COMMD5: variants seen among roughly 807,000 people sequenced by gnomAD.
The protein encoded by COMMD5 is COMM domain-containing protein 5.
Under a neutral mutation model 6.9 loss-of-function variants are expected in COMMD5, and 10 were observed. The ratio of observed to expected loss-of-function variants is 1.44; its 90% CI spans 0.89 to 2.45. The LOEUF is 2.45. COMMD5 is among the 30% of genes most tolerant of loss of function. The pLI, the probability that COMMD5 is intolerant of heterozygous loss-of-function variation, is 0.00. For missense variants in COMMD5, 234 were observed against 287.8 expected (o/e 0.81, Z 1.35); for synonymous variants, 127 against 125.3 (o/e 1.01, Z -0.09).
exon 2 of COMMD5, chr8:144,841,294 T>C: frequency 1.3e-6 from 2 of 1,509,242 alleles, no homozygotes. Context: ...CCCGCATTTG[T>C]AGTCTTATCA....
intron 1 of COMMD5, chr8:144,843,151 A>G (rs775257545): frequency 6.3e-7 from 1 of 1,591,350 alleles, no homozygotes; most frequent in Non-Finnish European, 8.5e-7. Context: ...CCAGCATCAA[A>G]AAATTCACAT....
upstream of COMMD5, chr8:144,853,522 GTTTCCCCTC>G (rs1261827691): frequency 3.9e-5 from 6 of 152,248 alleles, no homozygotes; most frequent in African/African-American, 1.4e-4. Flanking sequence ...GAGCTGCCCC[GTTTCCCCTC>G]CTGTCGGGTG....
intron 1 of COMMD5, among the ~76,000 whole-genome samples, chr8:144,852,193 GAAGAA>G (rs1252659570): frequency 5.9e-5 from 9 of 151,780 alleles, no homozygotes; most frequent in African/African-American, 2.2e-4. Context: ...AGGCAGGGAA[GAAGAA>G]AAGAAAAGTA....
rs752892007 is a variant in COMMD5, at chr8:144,851,119, T to C, written c.220A>G (p.Ser74Gly). ...AGCTGCTCCTCCGGCAGGTTGGCGC[T>C]GACCCCAAGACGCTGCACAGCCTCT... ...CREAVQRLGV[S>G]ANLPEEQLGA... The change falls in exon 2 of 2, where the codon AGC becomes GGC. Residue 74 changes from serine (S) to glycine (G), a missense_variant. By Grantham distance (56) the Ser-to-Gly change is moderately conservative (BLOSUM62 0). Coordinates refer to ENST00000305103, the MANE Select transcript of COMMD5 (RefSeq NM_014066.4). 6.2e-7 allele frequency: 1 copy of C among 1,612,696 alleles called. No individual in the cohort carries two copies. The highest frequency in any genetic ancestry group is 1.7e-5 in the Admixed American group (1 of 60,012).
At chr8:144,840,405 G>A (rs1829727684), downstream of COMMD5, among the ~76,000 whole-genome samples, 1 of 152,236 alleles carries the variant, frequency 6.6e-6, no homozygotes. Flanking sequence ...CTGTAACTGG[G>A]CTGTGCATTC....
chr8:144,838,261 A>C (rs1437827101), downstream of COMMD5: 2 of 624,870 alleles, frequency 3.2e-6, no homozygotes, highest in Non-Finnish European at 5.8e-6. Context: ...GTTAGGGGCC[A>C]CCCCAGTGAC....
downstream of COMMD5, chr8:144,846,100 CTCG>C (rs1411405165): frequency 3.9e-6 from 6 of 1,536,048 alleles, no homozygotes; most frequent in Non-Finnish European, 5.2e-6. Flanking sequence ...CTCCTGGGCT[CTCG>C]TCATCTCCTC....
In COMMD5 at chr8:144,851,277, C is replaced by T. The variant is rs201378489; in HGVS notation, c.62G>A (p.Arg21Gln). 35 of 1,614,000 alleles carry T rather than the reference C, an allele frequency of 2.2e-5. No homozygotes were observed. Among genetic ancestry groups the T allele is most frequent in the Admixed American group, 3.3e-5 (2 of 60,024 alleles). Reference protein sequence around the residue: ...LHHPGDSHSGRVSFLGAQLPP... With the variant: ...LHHPGDSHSGQVSFLGAQLPP... ...AAGCTGGGCCCCCAAGAAACTCACT[C>T]GGCCACTGTGACTATCACCAGGATG... Residue 21 changes from arginine (R) to glutamine (Q), a missense_variant, in exon 2 of 2, where the codon CGA becomes CAA. Transcript: ENST00000305103.
At chr8:144,841,926 G>A (rs142068099) in intron 1 of COMMD5, 56 of 1,613,768 alleles carry the variant, frequency 3.5e-5, no homozygotes, top group South Asian at 4.4e-5. Context: ...GAATCCACAC[G>A]GGAGAGAAAC....
At chr8:144,852,206 G>C (rs907859671) in intron 1 of COMMD5, among the ~76,000 whole-genome samples, 1 of 151,994 alleles carries the variant, frequency 6.6e-6, no homozygotes, top group Admixed American at 6.6e-5. Context: ...GAAAAGAAAA[G>C]TAAAAAGAAA....
Position 144,843,327 on chromosome 8 carries a change from T to A in COMMD5, c.*117-1584A>T, listed in dbSNP as rs149070948. 24 of 878,108 alleles carry A rather than the reference T, an allele frequency of 2.7e-5. No individual in the cohort carries two copies. In the South Asian group the frequency reaches 2.9e-4, roughly 11 times the overall value. 54.4% of individuals were successfully genotyped at this position (878,108 alleles called of 1,614,324 possible). A position where few individuals can be genotyped will look rare whatever the true frequency, so the allele number is the denominator to read the frequency against. On this transcript the variant is annotated intron_variant and NMD_transcript_variant, in intron 1 of 1. Transcript: ENST00000530332. ...ACTTCAGGCCGAGTGTGGTGGCTTATGCCTGTCATCCCAGCACTTTGGGAG... is the reference window on the plus strand; with the variant it reads ...ACTTCAGGCCGAGTGTGGTGGCTTAAGCCTGTCATCCCAGCACTTTGGGAG...
rs910545587 is a variant in COMMD5 at position 144,841,268 on chromosome 8, G to C, written c.*592C>G. 5.8e-6 allele frequency: 8 copies of C among 1,373,534 alleles called. No individual in the cohort carries two copies. In the African/African-American group the frequency reaches 1.0e-4, roughly 17 times the overall value. The allele number at this position is 1,373,534 out of a possible 1,614,324, so 85.1% of individuals were successfully genotyped here. On this transcript the variant is annotated 3_prime_UTR_variant and NMD_transcript_variant, in exon 2 of 2. Coordinates refer to the COMMD5 transcript ENST00000530332. ...AGTGCTCAGTGCAACTATCCTGGGA[G>C]CCTTGAGCCCTGGCCCCCGCATTTG...
chr8:144,845,094 TG>T (rs2130752357), intron 1 of COMMD5, among the ~76,000 whole-genome samples: 1 of 152,236 alleles, frequency 6.6e-6, no homozygotes, highest in Non-Finnish European at 1.5e-5. Context: ...CAGGTCTGGA[TG>T]TAATTTATGG....
At chr8:144,846,254 G>A, downstream of COMMD5, 1 of 1,409,854 alleles carries the variant, frequency 7.1e-7, no homozygotes, top group Non-Finnish European at 9.5e-7. Flanking sequence ...GGGCTGGGGT[G>A]CAAGCTTCAT....
downstream of COMMD5, among the ~76,000 whole-genome samples, chr8:144,840,599 A>G (rs1459583692): frequency 6.6e-6 from 1 of 152,190 alleles, no homozygotes; most frequent in East Asian, 1.9e-4. Context: ...CTCTAGGGTT[A>G]CAGAGTAGGA....
At chr8:144,845,641 A>C (rs1035196147), downstream of COMMD5, among the ~76,000 whole-genome samples, 2 of 152,164 alleles carry the variant, frequency 1.3e-5, no homozygotes, top group African/African-American at 4.8e-5. Context: ...CATGAGGCCA[A>C]CTGTAAGACC....
chr8:144,842,631 G>A, intron 1 of COMMD5: 1 of 1,614,206 alleles, frequency 6.2e-7, no homozygotes, highest in South Asian at 1.1e-5. Flanking sequence ...CCTTCAGTCA[G>A]AGTTCCAGCC....
In COMMD5 at chr8:144,851,382, C is replaced by T; in HGVS notation, c.-44G>A. 1 of 1,566,864 alleles carries T rather than the reference C, an allele frequency of 6.4e-7. No individual in the cohort carries two copies. The highest frequency in any genetic ancestry group is 8.7e-7 in the Non-Finnish European group (1 of 1,153,348). On this transcript the variant is annotated 5_prime_UTR_variant, in exon 2 of 2. Transcript: ENST00000305103. ...GATCAGCCAGCCCAGGAGGTCGGTC[C>T]CAGATGCAGATGCCTAGAGTGGGGT...
chr8:144,846,342 C>T, downstream of COMMD5: 1 of 663,388 alleles, frequency 1.5e-6, no homozygotes, highest in South Asian at 2.2e-5. Context: ...TAGCTTTTTA[C>T]ATTTCTGAAT....
Sources: gnomAD v4.1 joint callset for allele counts (sites outside exome capture counted in the v4.1 genomes callset) on GRCh38, gnomAD v4.1.1 for gene constraint, MANE v1.5 for transcripts, NCBI Gene and HGNC (gene_info 2026-07-23, HGNC 2026-07-21) for gene names.